The following CEP162 variants were observed in gnomAD, a reference collection of about 807,000 sequenced individuals.
CEP162 encodes centrosomal protein 162, also known as centrosomal protein of 162 kDa.
In CEP162, 141 loss-of-function variants were observed where a neutral mutation model predicts 169.2. The observed-to-expected ratio is 0.83, with a 90% CI of 0.73 to 0.96. CEP162 has a LOEUF of 0.96. Ranked by LOEUF, CEP162 falls within the 40% of genes least tolerant of loss-of-function variation. CEP162 has a pLI of 0.00. For synonymous variants in CEP162, 540 were observed against 526.4 expected, an observed-to-expected ratio of 1.03 and a Z score of -0.35; for missense variants, 1,600 against 1,587.2, an observed-to-expected ratio of 1.01 and a Z score of -0.14.
intron 25 of CEP162, among the ~76,000 whole-genome samples, chr6:84,140,262 G>C (rs2099516014): frequency 6.6e-6 from 1 of 152,088 alleles, no homozygotes; most frequent in Non-Finnish European, 1.5e-5. Flanking sequence ...TTCAAACTTT[G>C]TTGTTTGGTT....
intron 25 of CEP162, among the ~76,000 whole-genome samples, chr6:84,128,912 A>C (rs950276357): frequency 2.0e-5 from 3 of 151,462 alleles, no homozygotes; most frequent in African/African-American, 7.3e-5. Flanking sequence ...TCATTGTTCA[A>C]CTTCCACTTA....
intron 5 of CEP162, among the ~76,000 whole-genome samples, chr6:84,213,659 A>C (rs2099550407): frequency 6.6e-6 from 1 of 152,234 alleles, no homozygotes; most frequent in Admixed American, 6.5e-5. Flanking sequence ...GAGAGCTACA[A>C]ACACCTAATA....
Position 84,126,446 on chromosome 6 carries a change from C to T in CEP162, c.3937G>A (p.Val1313Met), listed in dbSNP as rs577972462. 1.6e-4 allele frequency: 248 copies of T among 1,591,104 alleles called. 2 individuals are homozygous for T. Among genetic ancestry groups the T allele is most frequent in the East Asian group, 2.0e-4 (9 of 44,154 alleles). ...ENHTPEMKHF[V>M]GLEKKIKQME... Reference sequence around the variant, plus strand: ...TGCTTAATTTTCTTTTCTAAGCCCACGAAATGTTTCATCTCTGGTGTATGG... The same window carrying T: ...TGCTTAATTTTCTTTTCTAAGCCCATGAAATGTTTCATCTCTGGTGTATGG... Residue 1313 changes from valine (V) to methionine (M), a missense_variant, in exon 26 of 27, where the codon GTG (valine) becomes ATG (methionine). By Grantham distance (21) the Val-to-Met change is conservative. Coordinates refer to ENST00000403245, the MANE Select transcript of CEP162 (RefSeq NM_014895.4).
At chr6:84,223,719 C>T (rs2127759435) in intron 2 of CEP162, among the ~76,000 whole-genome samples, 1 of 151,302 alleles carries the variant, frequency 6.6e-6, no homozygotes. Flanking sequence ...CCAGACTGGC[C>T]AACATGGTGA....
chr6:84,220,345 G>T (rs991822581), intron 3 of CEP162, among the ~76,000 whole-genome samples: 1 of 152,168 alleles, frequency 6.6e-6, no homozygotes, highest in African/African-American at 2.4e-5. Flanking sequence ...AACCTATCAG[G>T]CCAGGAGTGG....
chr6:84,128,695 CTTT>C (rs530716294), intron 25 of CEP162, among the ~76,000 whole-genome samples: 1 of 149,454 alleles, frequency 6.7e-6, no homozygotes, highest in Admixed American at 6.7e-5. Context: ...AAACATTAAA[CTTT>C]TTTTTTTAAG....
rs56336861 is a variant in CEP162, at chr6:84,128,296, G to A, written c.3871-1784C>T. The stretch of plus-strand genomic sequence containing the variant: ...TAAGAATATAATCAAAACTGAATAT[G>A]TACATATATTTTAAAAATCCTTGCA... On this transcript the variant is annotated intron_variant, in intron 25 of 26. Coordinates refer to ENST00000403245, the MANE Select transcript of CEP162 (RefSeq NM_014895.4). Among the ~76,000 whole-genome samples the A allele has an allele frequency of 6.3e-3, 959 of 152,172 alleles. 5 individuals are homozygous for A. Among genetic ancestry groups the A allele is most frequent in the Non-Finnish European group, 8.6e-3 (588 of 68,012 alleles).
intron 7 of CEP162, among the ~76,000 whole-genome samples, chr6:84,203,750 C>T (rs2099545591): frequency 6.6e-6 from 1 of 152,056 alleles, no homozygotes; most frequent in African/African-American, 2.4e-5. Context: ...CTGTGCCTGG[C>T]CAAAAATCTC....
intron 25 of CEP162, among the ~76,000 whole-genome samples, chr6:84,139,713 T>C (rs1421868625): frequency 1.3e-5 from 2 of 152,216 alleles, no homozygotes; most frequent in East Asian, 1.9e-4. Flanking sequence ...GGTCCTTCTT[T>C]TCCATATTCA....
At chr6:84,145,372 A>G (rs1480779175) in intron 25 of CEP162, among the ~76,000 whole-genome samples, 12 of 152,178 alleles carry the variant, frequency 7.9e-5, no homozygotes, top group Non-Finnish European at 2.9e-5. Context: ...AAGAGCCTAT[A>G]TGATTAATCA....
chr6:84,182,782 G>A (rs941992745), intron 13 of CEP162, among the ~76,000 whole-genome samples: 2 of 152,162 alleles, frequency 1.3e-5, no homozygotes, highest in African/African-American at 4.8e-5. Flanking sequence ...TTCCAGCCAT[G>A]AACTGCCTAT....
rs1166834669 is a variant in CEP162 at position 84,204,023 on chromosome 6, G to A, written c.645C>T (p.Ser215=). The A allele has an allele frequency of 6.2e-7, 1 of 1,609,902 alleles. No homozygotes were observed. Among genetic ancestry groups the A allele is most frequent in the Admixed American group, 1.7e-5 (1 of 59,576 alleles). Residue 215 remains serine (S), a synonymous_variant, in exon 7 of 27, where the codon TCC becomes TCT. Transcript: ENST00000403245. ...PLTTKDEEMP[S]KENSKSEKIS... Reference sequence around the variant, plus strand: ...TTTTTTCTGATTTGGAATTCTCTTTGGAAGGCATCTCTTCATCTTTAGTAG... The same window carrying A: ...TTTTTTCTGATTTGGAATTCTCTTTAGAAGGCATCTCTTCATCTTTAGTAG...
rs549592165 is a variant in CEP162, at chr6:84,169,293, T to C, written c.2385+35A>G. 5.2e-6 allele frequency: 6 copies of C among 1,152,396 alleles called. No homozygotes were observed. In the South Asian group the frequency reaches 9.5e-5, roughly 18 times the overall value. 71.4% of individuals were successfully genotyped at this position (1,152,396 alleles called of 1,614,324 possible). Reference sequence around the variant, plus strand: ...AATGGGGATTTTTATAAAACCTTTATTATCCCTAATAGTCAAAATCGTTAT... The same window carrying C: ...AATGGGGATTTTTATAAAACCTTTACTATCCCTAATAGTCAAAATCGTTAT... On this transcript the variant is annotated intron_variant, in intron 18 of 26. Coordinates refer to ENST00000403245, the MANE Select transcript of CEP162 (RefSeq NM_014895.4).
intron 11 of CEP162, among the ~76,000 whole-genome samples, chr6:84,190,074 C>A (rs1471203647): frequency 6.6e-6 from 1 of 150,942 alleles, no homozygotes. Context: ...TATCTAGCTG[C>A]TCTGGTGAGG....
chr6:84,160,240 T>C (rs1210831581), intron 21 of CEP162, among the ~76,000 whole-genome samples: 1 of 152,178 alleles, frequency 6.6e-6, no homozygotes, highest in Non-Finnish European at 1.5e-5. Context: ...ACAATCTTGC[T>C]TCCTAAAACA....
chr6:84,181,222 G>C (rs1198001242), intron 13 of CEP162, among the ~76,000 whole-genome samples: 1 of 152,106 alleles, frequency 6.6e-6, no homozygotes, highest in East Asian at 1.9e-4. Context: ...TCTGATCTTT[G>C]ACAAACCTGA....
intron 13 of CEP162, among the ~76,000 whole-genome samples, chr6:84,184,101 T>C (rs767551049): frequency 3.3e-5 from 5 of 152,178 alleles, no homozygotes; most frequent in Non-Finnish European, 5.9e-5. Context: ...GCCATGTTAC[T>C]GTGCACATGA....
Position 84,146,719 on chromosome 6 carries a change from A to G in CEP162, c.3838T>C (p.Ser1280Pro), listed in dbSNP as rs1449709858. The G allele has an allele frequency of 1.9e-6, 3 of 1,577,530 alleles. No homozygotes were observed. Among genetic ancestry groups the G allele is most frequent in the African/African-American group, 1.3e-5 (1 of 74,282 alleles). Residue 1280 changes from serine (S) to proline (P), a missense_variant, in exon 25 of 27, where the codon TCT becomes CCT. Ser to Pro is a moderately conservative substitution (Grantham distance 74, BLOSUM62 -1). Transcript: ENST00000403245. ...TGTAGAATTTCTTCTCGAACTTCAG[A>G]AACTACGAGAGACTCTTGTTTACTC... ...LQSKQESLVV[S>P]EVREEILQKE...
intron 11 of CEP162, among the ~76,000 whole-genome samples, chr6:84,191,220 G>C (rs1467583061): frequency 6.6e-6 from 1 of 151,784 alleles, no homozygotes; most frequent in Non-Finnish European, 1.5e-5. Flanking sequence ...CCTGTGGGCA[G>C]GAAGTGGATT....
Sources: allele counts gnomAD v4.1 joint callset (sites outside exome capture counted in the v4.1 genomes callset), GRCh38; gene constraint gnomAD v4.1.1; transcripts MANE v1.5; gene names NCBI Gene and HGNC (gene_info 2026-07-23, HGNC 2026-07-21).